Variants in SKAP1 observed in about 807,000 individuals in gnomAD.
SKAP1 encodes src kinase associated phosphoprotein 1, also known as src kinase-associated phosphoprotein 1.
SKAP1 carries 44 observed loss-of-function variants against 58.5 expected under a neutral mutation model. The ratio of observed to expected loss-of-function variants is 0.75; its 90% CI spans 0.59 to 0.97. The LOEUF is 0.97. Among genes scored for constraint, SKAP1 ranks in the 50% least tolerant of loss-of-function variants. The pLI is 0.00. For synonymous variants in SKAP1, 127 were observed against 149.7 expected (o/e 0.85, Z 1.11); for missense variants, 390 against 435.2 (o/e 0.90, Z 0.92).
chr17:48,144,210 C>T (rs1023203792), intron 11 of SKAP1, among the ~76,000 whole-genome samples: 2 of 152,154 alleles, frequency 1.3e-5, no homozygotes, highest in East Asian at 1.9e-4. Flanking sequence ...CTACAGGTCC[C>T]GGGATCTGAC....
intron 4 of SKAP1, among the ~76,000 whole-genome samples, chr17:48,217,352 G>A (rs2064952910): frequency 1.3e-5 from 2 of 152,144 alleles, no homozygotes; most frequent in Admixed American, 1.3e-4. Context: ...TAGATTTCCA[G>A]TAGGATTGCT....
chr17:48,155,964 G>T (rs1315832124), intron 11 of SKAP1, among the ~76,000 whole-genome samples: 1 of 152,202 alleles, frequency 6.6e-6, no homozygotes, highest in African/African-American at 2.4e-5. Flanking sequence ...CACACGGAGG[G>T]TGATTCGGCA....
chr17:48,367,514 G>A (rs1280689440), intron 2 of SKAP1, among the ~76,000 whole-genome samples: 1 of 83,668 alleles, frequency 1.2e-5, no homozygotes, highest in Non-Finnish European at 2.8e-5. Context: ...CCATGTATAT[G>A]TGTGTGTATA....
At position 48,205,029 on chromosome 17, in the gene SKAP1, TTCTTTCTTTCTC is replaced by T. The variant is rs1567820022; in HGVS notation, c.281-15541_281-15530del. Among the ~76,000 whole-genome samples the T allele has an allele frequency of 7.9e-3, 308 of 38,906 alleles. 2 individuals carry two copies. Among genetic ancestry groups the T allele is most frequent in the African/African-American group, 0.021 (291 of 14,008 alleles). 25.5% of individuals were successfully genotyped at this position (38,906 alleles called of 152,430 possible). The stretch of plus-strand genomic sequence containing the variant: ...TCTTTCTTTCTTTTTCTTTCTTTCT[TTCTTTCTTTCTC>T]TCTCTCTCTTTCTTTCTTCTTTCTC... On this transcript the variant is annotated intron_variant, in intron 4 of 12. Transcript: ENST00000336915.
chr17:48,329,105 A>G (rs2066472815), intron 4 of SKAP1, among the ~76,000 whole-genome samples: 2 of 152,220 alleles, frequency 1.3e-5, no homozygotes, highest in Admixed American at 6.5e-5. Flanking sequence ...AAATGCAAAT[A>G]TTATAGACCA....
the SKAP1 span, among the ~76,000 whole-genome samples, chr17:48,442,874 A>G: frequency 6.6e-6 from 1 of 152,110 alleles, no homozygotes; most frequent in Non-Finnish European, 1.5e-5. Context: ...CCTAATTAAA[A>G]TTTTAGTAGC....
chr17:48,183,919 C>G (rs1340412157), intron 7 of SKAP1, among the ~76,000 whole-genome samples: 2 of 151,964 alleles, frequency 1.3e-5, no homozygotes, highest in Admixed American at 1.3e-4. Flanking sequence ...TGGTGTTTTC[C>G]TTTTTCATAA....
intron 4 of SKAP1, among the ~76,000 whole-genome samples, chr17:48,229,535 T>C (rs2065104860): frequency 6.6e-6 from 1 of 151,916 alleles, no homozygotes; most frequent in Non-Finnish European, 1.5e-5. Context: ...GCAGGAGAAT[T>C]GCTTAAACCC....
intron 3 of SKAP1, among the ~76,000 whole-genome samples, chr17:48,348,196 C>T (rs967297617): frequency 6.6e-6 from 1 of 151,776 alleles, no homozygotes. Flanking sequence ...AAAAATTAGC[C>T]AGGCATGGTG....
chr17:48,345,899 ACT>A lies in SKAP1; in HGVS notation c.280+4_280+5del. The A allele has an allele frequency of 6.3e-7, 1 of 1,597,334 alleles. No individual in the cohort carries two copies. Among genetic ancestry groups the A allele is most frequent in the Non-Finnish European group, 8.6e-7 (1 of 1,165,152 alleles). ...GTCACCCAAAATCCAGAAGGATAAC[ACT>A]CACCCTCATCCTGATAATCTGACAA... On this transcript the variant is annotated splice_donor_5th_base_variant and intron_variant, in intron 4 of 12. Transcript: ENST00000336915.
intron 2 of SKAP1, among the ~76,000 whole-genome samples, chr17:48,386,326 G>GA (rs1555622025): frequency 1.5e-5 from 2 of 133,686 alleles, no homozygotes; most frequent in Admixed American, 7.6e-5. Context: ...TTTTTTTTTG[G>GA]TGACTATAAG....
intron 4 of SKAP1, among the ~76,000 whole-genome samples, chr17:48,281,704 A>C (rs939965065): frequency 2.0e-5 from 3 of 152,162 alleles, no homozygotes; most frequent in African/African-American, 7.2e-5. Flanking sequence ...TCTCTTACCC[A>C]TAAGTGTTGA....
At chr17:48,134,962 G>A (rs1003933054) in intron 12 of SKAP1, among the ~76,000 whole-genome samples, 2 of 152,052 alleles carry the variant, frequency 1.3e-5, no homozygotes, top group African/African-American at 4.8e-5. Flanking sequence ...CCTTGGCCTT[G>A]AAAGTGCTGG....
chr17:48,441,966 C>A, the SKAP1 span, among the ~76,000 whole-genome samples: 5 of 152,082 alleles, frequency 3.3e-5, no homozygotes, highest in African/African-American at 2.4e-5. Context: ...GCATTTAACG[C>A]ATATCTTGTA....
At chr17:48,353,589 A>C (rs1207355758) in intron 3 of SKAP1, among the ~76,000 whole-genome samples, 2 of 152,158 alleles carry the variant, frequency 1.3e-5, no homozygotes, top group African/African-American at 4.8e-5. Context: ...GGATTCCAAT[A>C]TCTTCCATTA....
intron 4 of SKAP1, among the ~76,000 whole-genome samples, chr17:48,269,390 C>T (rs1220522605): frequency 6.6e-6 from 1 of 152,092 alleles, no homozygotes. Flanking sequence ...CCACTAGATA[C>T]ACTAGAGACT....
At chr17:48,261,054 A>G (rs2143929828) in intron 4 of SKAP1, among the ~76,000 whole-genome samples, 1 of 152,334 alleles carries the variant, frequency 6.6e-6, no homozygotes, top group South Asian at 2.1e-4. Context: ...CTTCTATTAT[A>G]GCAATTATCA....
intron 4 of SKAP1, among the ~76,000 whole-genome samples, chr17:48,254,186 G>A (rs529247289): frequency 6.6e-6 from 1 of 152,120 alleles, no homozygotes; most frequent in South Asian, 2.1e-4. Context: ...TCTCTCACTC[G>A]GCTATAAAAA....
intron 4 of SKAP1, among the ~76,000 whole-genome samples, chr17:48,326,571 A>G (rs1220574640): frequency 6.6e-6 from 1 of 152,200 alleles, no homozygotes; most frequent in Non-Finnish European, 1.5e-5. Context: ...ATCAAATTCA[A>G]ACACTTGGAC....
Sources: allele counts gnomAD v4.1 joint callset (sites outside exome capture counted in the v4.1 genomes callset), GRCh38; gene constraint gnomAD v4.1.1; transcripts MANE v1.5; gene names NCBI Gene and HGNC (gene_info 2026-07-23, HGNC 2026-07-21).